Variants in CACNA1G observed in about 807,000 individuals in gnomAD.
CACNA1G encodes calcium voltage-gated channel subunit alpha1 G.
Under a neutral mutation model 219.4 loss-of-function variants are expected in CACNA1G, and 67 were observed. The observed-to-expected ratio is 0.31, with a 90% CI of 0.25 to 0.37. The LOEUF (loss-of-function observed/expected upper bound fraction) is 0.37, where lower values mean the gene tolerates loss of function less well. Among genes scored for constraint, CACNA1G ranks in the 10% least tolerant of loss-of-function variants. CACNA1G has a pLI of 1.00. For missense variants in CACNA1G, 2,380 were observed against 3,231.4 expected, an observed-to-expected ratio of 0.74 and a Z score of 6.39; for synonymous variants, 1,296 against 1,345.3, an observed-to-expected ratio of 0.96 and a Z score of 0.80.
chr17:50,569,501 C>T (rs1375177164), intron 3 of CACNA1G, among the ~76,000 whole-genome samples: 1 of 152,028 alleles, frequency 6.6e-6, no homozygotes, highest in South Asian at 2.1e-4. Flanking sequence ...CTAATTCTGC[C>T]CCCTTCTCTG....
chr17:50,575,471 C>A, intron 7 of CACNA1G, 72 bp from the exon 8 acceptor site: 2 of 1,441,040 alleles, frequency 1.4e-6, no homozygotes, highest in Non-Finnish European at 1.9e-6. Flanking sequence ...AGGAATGCCT[C>A]CGTATGTGGT....
chr17:50,562,490 C>G (rs985300488), intron 1 of CACNA1G, among the ~76,000 whole-genome samples: 4 of 152,072 alleles, frequency 2.6e-5, no homozygotes, highest in Non-Finnish European at 5.9e-5. Context: ...GCCTCCTACC[C>G]GATCTCCATT....
chr17:50,584,635 G>A (rs1296765713), intron 9 of CACNA1G, among the ~76,000 whole-genome samples: 1 of 151,970 alleles, frequency 6.6e-6, no homozygotes, highest in East Asian at 1.9e-4. Flanking sequence ...CGGCGGGGGA[G>A]CACATCAAAG....
intron 25 of CACNA1G, 115 bp downstream of exon 25, chr17:50,608,134 G>A: frequency 1.1e-6 from 1 of 889,914 alleles, no homozygotes; most frequent in South Asian, 1.7e-5. Flanking sequence ...AGGGAGAAGA[G>A]GCTCCCACCC....
chr17:50,625,330 C>A (rs2053479195), intron 37 of CACNA1G, among the ~76,000 whole-genome samples: 1 of 152,246 alleles, frequency 6.6e-6, no homozygotes, highest in Non-Finnish European at 1.5e-5. Context: ...ATGAGAATCT[C>A]AATCCCACAT....
intron 8 of CACNA1G, among the ~76,000 whole-genome samples, chr17:50,577,668 G>A (rs2041000467): frequency 6.6e-6 from 1 of 151,852 alleles, no homozygotes. Flanking sequence ...CACATGTGTT[G>A]GTATGTGCAT....
intron 26 of CACNA1G, among the ~76,000 whole-genome samples, chr17:50,614,390 T>C (rs1234032548): frequency 1.3e-5 from 2 of 152,116 alleles, no homozygotes; most frequent in Non-Finnish European, 2.9e-5. Flanking sequence ...AAAAGCCTCT[T>C]CCTTCTCTGT....
At chr17:50,564,915 T>G (rs568139489) in intron 1 of CACNA1G, among the ~76,000 whole-genome samples, 1 of 152,086 alleles carries the variant, frequency 6.6e-6, no homozygotes, top group East Asian at 1.9e-4. Context: ...TCCTTCTGGG[T>G]CACACACACA....
Position 50,576,054 on chromosome 17 carries a change from A to G in CACNA1G, c.1652A>G (p.Glu551Gly). 2 of 1,580,434 alleles carry G rather than the reference A, an allele frequency of 1.3e-6. No homozygotes were observed. The highest frequency in any genetic ancestry group is 1.7e-6 in the Non-Finnish European group (2 of 1,164,416). Residue 551 changes from glutamate (E) to glycine (G), a missense_variant, in exon 8 of 38, where the codon GAG becomes GGG. Physicochemically the swap from Glu to Gly is moderately conservative, Grantham distance 98. Coordinates refer to ENST00000359106, the MANE Select transcript of CACNA1G (RefSeq NM_018896.5). ...TCCGGGGCCCCCCCTGGTGGCGCAG[A>G]GTCTGTGCACAGCTTCTACCATGCC... is the stretch of plus-strand genomic sequence containing the variant. Reference protein sequence around the residue: ...ALSGAPPGGAESVHSFYHADC... With the variant: ...ALSGAPPGGAGSVHSFYHADC...
intron 26 of CACNA1G, among the ~76,000 whole-genome samples, chr17:50,613,633 G>A (rs936743460): frequency 2.1e-4 from 32 of 152,336 alleles, no homozygotes; most frequent in African/African-American, 7.7e-4. Context: ...ATAAGGAGCC[G>A]CTTTTTCTAA....
intron 7 of CACNA1G, 76 bp downstream of exon 7, chr17:50,573,189 G>A: frequency 9.1e-7 from 1 of 1,098,272 alleles, no homozygotes; most frequent in Non-Finnish European, 1.4e-6. Context: ...AGAGGGGATA[G>A]TTTGCTCTGT....
intron 12 of CACNA1G, 41 bp downstream of exon 12, chr17:50,591,894 G>T (rs1242651742): frequency 1.2e-6 from 2 of 1,613,428 alleles, no homozygotes; most frequent in Non-Finnish European, 1.7e-6. Flanking sequence ...GGGGCCGTCA[G>T]GTGCCCCTAG....
intron 26 of CACNA1G, among the ~76,000 whole-genome samples, chr17:50,612,723 T>C (rs1251676968): frequency 2.6e-5 from 4 of 152,224 alleles, no homozygotes; most frequent in Admixed American, 2.6e-4. Context: ...CCTCCTTCTG[T>C]ACCCTTCCTC....
chr17:50,586,515 C>T (rs1158020548), intron 9 of CACNA1G, among the ~76,000 whole-genome samples: 1 of 152,226 alleles, frequency 6.6e-6, no homozygotes, highest in African/African-American at 2.4e-5. Flanking sequence ...TCCCGTGGCT[C>T]CTGGGTTTTG....
chr17:50,566,164 G>A (rs1371382600), intron 1 of CACNA1G, among the ~76,000 whole-genome samples: 6 of 152,166 alleles, frequency 3.9e-5, no homozygotes, highest in Non-Finnish European at 8.8e-5. Context: ...TCATGTGAGA[G>A]GGGTCTTTTT....
chr17:50,573,008 C>T lies in CACNA1G; in HGVS notation c.1048-13C>T. 4.4e-6 allele frequency: 7 copies of T among 1,574,816 alleles called. No homozygotes were observed. Among genetic ancestry groups the T allele is most frequent in the Non-Finnish European group, 6.0e-6 (7 of 1,158,672 alleles). On this transcript the variant is annotated splice_polypyrimidine_tract_variant and intron_variant, in intron 6 of 37. Transcript: ENST00000359106. ...GTGGGCCCATAGTCAGCCTGCCCCTCTGCACCCCCTAGGTCATCACGCTGG... is the reference window on the plus strand; with the variant it reads ...GTGGGCCCATAGTCAGCCTGCCCCTTTGCACCCCCTAGGTCATCACGCTGG...
rs1386892617 is a variant in CACNA1G at position 50,560,846 on chromosome 17, C to G, written c.-614C>G. Among the ~76,000 whole-genome samples the G allele has an allele frequency of 6.6e-6, 1 of 151,974 alleles. No individual in the cohort carries two copies. The highest frequency in any genetic ancestry group is 2.4e-5 in the African/African-American group (1 of 41,414). On this transcript the variant is annotated 5_prime_UTR_variant, in exon 1 of 38. Coordinates refer to ENST00000359106, the MANE Select transcript of CACNA1G (RefSeq NM_018896.5). Reference sequence around the variant, plus strand: ...GGCTGCGGCGGCGGCATCTCCGCCTCCACTCCCGCCCGGGACTGCCCCCCA... The same window carrying G: ...GGCTGCGGCGGCGGCATCTCCGCCTGCACTCCCGCCCGGGACTGCCCCCCA...
At chr17:50,597,790 C>T (rs1430962116) in intron 16 of CACNA1G, among the ~76,000 whole-genome samples, 2 of 152,210 alleles carry the variant, frequency 1.3e-5, no homozygotes, top group Non-Finnish European at 2.9e-5. Context: ...CCCCATTGGT[C>T]CCATCCTTAC....
At chr17:50,601,815 G>T (rs909216368) in intron 19 of CACNA1G, among the ~76,000 whole-genome samples, 9 of 152,154 alleles carry the variant, frequency 5.9e-5, no homozygotes, top group Admixed American at 2.6e-4. Flanking sequence ...AAGGATGGGT[G>T]GGGGGTGGTT....
Sources: allele counts gnomAD v4.1 joint callset (sites outside exome capture counted in the v4.1 genomes callset), GRCh38; gene constraint gnomAD v4.1.1; transcripts MANE v1.5; gene names NCBI Gene and HGNC (gene_info 2026-07-23, HGNC 2026-07-21).